CALCR: variants seen among roughly 807,000 people sequenced by gnomAD.
CALCR encodes calcitonin receptor.
In CALCR, 47 loss-of-function variants were observed where a neutral mutation model predicts 59.5. That is an observed-to-expected ratio of 0.79 (90% CI 0.63 to 1.01). CALCR has a LOEUF of 1.01. Ranked by LOEUF, CALCR falls within the 50% of genes least tolerant of loss-of-function variation. CALCR has a pLI of 0.00. For missense variants in CALCR, 566 were observed against 597.1 expected (o/e 0.95, Z 0.54); for synonymous variants, 213 against 211.3 (o/e 1.01, Z -0.07).
chr7:93,513,221 C>A (rs1402795125), intron 2 of CALCR, among the ~76,000 whole-genome samples: 2 of 152,036 alleles, frequency 1.3e-5, no homozygotes, highest in Non-Finnish European at 2.9e-5. Context: ...TATGAGTAAT[C>A]TCAAATGACA....
rs769920327 is a variant in CALCR at position 93,426,097 on chromosome 7, A to T, written c.*259T>A. The T allele has an allele frequency of 3.4e-5, 13 of 379,380 alleles. No individual in the cohort carries two copies. The highest frequency in any genetic ancestry group is 5.1e-5 in the Non-Finnish European group (11 of 214,020). 23.5% of individuals were successfully genotyped at this position (379,380 alleles called of 1,614,324 possible). Reference sequence around the variant, plus strand: ...TGTTTTTCTTTGATACTTTGCTTGCATTACTGTGACATTTGCATCTCAGTC... The same window carrying T: ...TGTTTTTCTTTGATACTTTGCTTGCTTTACTGTGACATTTGCATCTCAGTC... On this transcript the variant is annotated 3_prime_UTR_variant, in exon 14 of 14. Coordinates refer to ENST00000426151, the MANE Select transcript of CALCR (RefSeq NM_001742.4).
Position 93,438,281 on chromosome 7 carries a change from G to T in CALCR, c.803-11C>A. The T allele has an allele frequency of 6.2e-7, 1 of 1,606,064 alleles. No individual in the cohort carries two copies. On this transcript the variant is annotated splice_polypyrimidine_tract_variant and intron_variant, in intron 9 of 13. Coordinates refer to ENST00000426151, the MANE Select transcript of CALCR (RefSeq NM_001742.4). Reference sequence around the variant, plus strand: ...GCACCAGCGGGAACCCTACAAATGTGAAAAGTACAAATCACACTTGGTTTC... The same window carrying T: ...GCACCAGCGGGAACCCTACAAATGTTAAAAGTACAAATCACACTTGGTTTC...
intron 8 of CALCR, among the ~76,000 whole-genome samples, chr7:93,460,593 G>GTA (rs368578654): frequency 0.015 from 1,305 of 89,334 alleles, 83 homozygotes; most frequent in Admixed American, 0.11. Context: ...ATATATATAT[G>GTA]TATATATATA....
intron 2 of CALCR, among the ~76,000 whole-genome samples, chr7:93,523,269 C>T (rs540276583): frequency 1.3e-5 from 2 of 152,256 alleles, no homozygotes; most frequent in African/African-American, 4.8e-5. Flanking sequence ...TCCATAAGGA[C>T]TTAATTTTGA....
At chr7:93,452,092 A>G (rs1451885241) in intron 8 of CALCR, among the ~76,000 whole-genome samples, 3 of 152,004 alleles carry the variant, frequency 2.0e-5, no homozygotes, top group Non-Finnish European at 2.9e-5. Flanking sequence ...CCTGAGTGAC[A>G]GGACCTGTAC....
chr7:93,438,174 T>A (rs374172227), intron 10 of CALCR, 36 bp downstream of exon 10: 4 of 1,610,494 alleles, frequency 2.5e-6, no homozygotes, highest in Non-Finnish European at 3.4e-6. Flanking sequence ...ATTTTGTTTA[T>A]GAATATGTTA....
At chr7:93,540,413 T>G (rs999541744) in intron 2 of CALCR, among the ~76,000 whole-genome samples, 1 of 152,186 alleles carries the variant, frequency 6.6e-6, no homozygotes, top group Non-Finnish European at 1.5e-5. Flanking sequence ...TAATAAAATT[T>G]TGTTTGAATT....
intron 7 of CALCR, among the ~76,000 whole-genome samples, chr7:93,465,739 G>A (rs760986216): frequency 6.6e-6 from 1 of 150,702 alleles, no homozygotes; most frequent in Non-Finnish European, 1.5e-5. Flanking sequence ...AGCACAAGGA[G>A]CATGATTTCT....
At chr7:93,460,572 A>AAAT (rs1554397787) in intron 8 of CALCR, among the ~76,000 whole-genome samples, 6 of 66,516 alleles carry the variant, frequency 9.0e-5, no homozygotes, top group Admixed American at 3.2e-4. Context: ...AAAAAAAAAA[A>AAAT]ATATATATAT....
intron 5 of CALCR, among the ~76,000 whole-genome samples, chr7:93,476,776 C>A (rs1422287391): frequency 6.6e-6 from 1 of 151,848 alleles, no homozygotes; most frequent in Non-Finnish European, 1.5e-5. Context: ...TGGGAAGAGT[C>A]AATAAGGGCC....
At chr7:93,470,448 CTT>C (rs1287282789) in intron 6 of CALCR, among the ~76,000 whole-genome samples, 1 of 151,798 alleles carries the variant, frequency 6.6e-6, no homozygotes, top group African/African-American at 2.4e-5. Context: ...TGCACCCCCT[CTT>C]CTGTCGGTCT....
chr7:93,551,271 A>G (rs1218632233), intron 2 of CALCR, among the ~76,000 whole-genome samples: 2 of 152,174 alleles, frequency 1.3e-5, no homozygotes, highest in Non-Finnish European at 2.9e-5. Context: ...GAACTTGTCA[A>G]CTCCTAAGAA....
At chr7:93,477,856 T>A (rs1486705666) in intron 4 of CALCR, among the ~76,000 whole-genome samples, 188 bp from the exon 5 acceptor site, 1 of 150,592 alleles carries the variant, frequency 6.6e-6, no homozygotes, top group East Asian at 2.0e-4. Flanking sequence ...TGTGACCAAA[T>A]TATCTCATTG....
At chr7:93,434,389 GAAA>G (rs200558502) in intron 12 of CALCR, 95 bp from the exon 13 acceptor site, 52 of 511,652 alleles carry the variant, frequency 1.0e-4, no homozygotes, top group South Asian at 2.4e-4. Context: ...AAGGCCTGAT[GAAA>G]AAAAAAAAAA....
At chr7:93,500,950 T>A (rs1474561312) in intron 2 of CALCR, among the ~76,000 whole-genome samples, 4 of 152,148 alleles carry the variant, frequency 2.6e-5, no homozygotes, top group Non-Finnish European at 5.9e-5. Context: ...ATTAAATTAT[T>A]TAAGAATCCA....
intron 3 of CALCR, among the ~76,000 whole-genome samples, chr7:93,480,347 C>T (rs564702846): frequency 1.3e-4 from 20 of 151,848 alleles, no homozygotes; most frequent in African/African-American, 4.8e-4. Context: ...TTGGAATCTG[C>T]GAATTTTTAA....
intron 2 of CALCR, among the ~76,000 whole-genome samples, chr7:93,490,916 C>A (rs965760083): frequency 6.6e-6 from 1 of 151,804 alleles, no homozygotes; most frequent in South Asian, 2.1e-4. Flanking sequence ...CTTTAAATTT[C>A]GTATGGGATC....
chr7:93,446,539 C>T (rs1800009352), intron 8 of CALCR, among the ~76,000 whole-genome samples: 1 of 151,942 alleles, frequency 6.6e-6, no homozygotes. Context: ...TATGGAACAC[C>T]TGCTATGAGC....
chr7:93,563,174 A>G lies in CALCR; in HGVS notation c.-27+11115T>C, dbSNP rs1331261872. Among the ~76,000 whole-genome samples the G allele has an allele frequency of 2.6e-5, 4 of 152,188 alleles. No homozygotes were observed. In the South Asian group the frequency reaches 8.3e-4, roughly 32 times the overall value. On this transcript the variant is annotated intron_variant, in intron 2 of 13. Transcript: ENST00000426151. ...CATATAGGGAAATGAGACCATTTAG[A>G]ACACATGGAAAAGAGTTGCCATGCT...
Sources: allele counts gnomAD v4.1 joint callset (sites outside exome capture counted in the v4.1 genomes callset), GRCh38; gene constraint gnomAD v4.1.1; transcripts MANE v1.5; gene names NCBI Gene and HGNC (gene_info 2026-07-23, HGNC 2026-07-21).